Variants in ITGAE observed in about 807,000 individuals in gnomAD.
ITGAE encodes integrin subunit alpha E.
A neutral mutation model predicts 136.5 loss-of-function variants in ITGAE; 99 were observed. The ratio of observed to expected loss-of-function variants is 0.73; its 90% CI spans 0.62 to 0.86. The LOEUF (loss-of-function observed/expected upper bound fraction) is 0.86. Ranked by LOEUF, ITGAE falls within the 40% of genes least tolerant of loss-of-function variation. The pLI, the probability that ITGAE is intolerant of heterozygous loss-of-function variation, is 0.00. For synonymous variants in ITGAE, 613 were observed against 591.8 expected, an observed-to-expected ratio of 1.04 and a Z score of -0.52; for missense variants, 1,447 against 1,515.3, an observed-to-expected ratio of 0.95 and a Z score of 0.75.
intron 1 of ITGAE, among the ~76,000 whole-genome samples, chr17:3,786,983 A>G (rs2052814653): frequency 6.6e-6 from 1 of 151,776 alleles, no homozygotes; most frequent in Non-Finnish European, 1.5e-5. Context: ...TAATCAGTTT[A>G]CTCCTTACAA....
At position 3,775,761 on chromosome 17, in the gene ITGAE, C is replaced by T. The variant is rs1480228987; in HGVS notation, c.155+1779G>A. Reference sequence around the variant, plus strand: ...CTGGGATTACAGGTGTGAGCCACTGCGCCCGGCACACAAACATTTTTATAT... The same window carrying T: ...CTGGGATTACAGGTGTGAGCCACTGTGCCCGGCACACAAACATTTTTATAT... On this transcript the variant is annotated intron_variant, in intron 2 of 30. Transcript: ENST00000263087. Among the ~76,000 whole-genome samples, 5 of 152,030 alleles carry T rather than the reference C, an allele frequency of 3.3e-5. No homozygotes were observed. In the East Asian group the frequency reaches 9.6e-4, roughly 29 times the overall value.
chr17:3,728,063 T>A, intron 25 of ITGAE, 37 bp from the exon 26 acceptor site: 2 of 1,592,956 alleles, frequency 1.3e-6, no homozygotes, highest in Non-Finnish European at 1.7e-6. Flanking sequence ...TCAAAGCTGG[T>A]ATTGCTTTGC....
chr17:3,772,154 T>G (rs2052439723), intron 2 of ITGAE, among the ~76,000 whole-genome samples: 1 of 152,196 alleles, frequency 6.6e-6, no homozygotes, highest in African/African-American at 2.4e-5. Context: ...TTCCTTCTCA[T>G]GCTAATTCCC....
In ITGAE at chr17:3,759,447, T is replaced by G. The variant is rs936102601; in HGVS notation, c.821A>C (p.Gln274Pro). 3.1e-6 allele frequency: 5 copies of G among 1,614,078 alleles called. No individual in the cohort carries two copies. The highest frequency in any genetic ancestry group is 3.4e-6 in the Non-Finnish European group (4 of 1,180,038). The change falls in exon 8 of 31, where the codon CAA (glutamine) becomes CCA (proline). Residue 274 changes from glutamine (Q) to proline (P), a missense_variant. Around this residue, in one of 3 missense-constraint regions of ITGAE, gnomAD observed 310 missense variants for 416.1 expected, o/e 0.74. Coordinates refer to ENST00000263087, the MANE Select transcript of ITGAE (RefSeq NM_002208.5). The stretch of plus-strand genomic sequence containing the variant: ...GGCAGTCTTGGTGACACTCCCCACT[T>G]GAGTGATGTTCTGGACTCTGGCGAG... ...ASLARVQNITQVGSVTKTASA... is the reference protein window; with the variant it reads ...ASLARVQNITPVGSVTKTASA...
chr17:3,735,119 G>A (rs1047933714), intron 20 of ITGAE, among the ~76,000 whole-genome samples, 170 bp from the exon 21 acceptor site: 15 of 152,124 alleles, frequency 9.9e-5, no homozygotes, highest in African/African-American at 2.4e-4. Context: ...TCAGCCTCCC[G>A]AGTAGCTGGG....
chr17:3,770,881 G>T (rs1053038305), intron 2 of ITGAE, among the ~76,000 whole-genome samples: 1 of 152,126 alleles, frequency 6.6e-6, no homozygotes, highest in African/African-American at 2.4e-5. Flanking sequence ...GGTGGGACCT[G>T]GAGCTGAGGC....
At chr17:3,771,289 G>A (rs945360783) in intron 2 of ITGAE, among the ~76,000 whole-genome samples, 5 of 152,100 alleles carry the variant, frequency 3.3e-5, no homozygotes, top group Non-Finnish European at 7.3e-5. Context: ...AGAGGAGCCC[G>A]ACGTAGCGGG....
intron 19 of ITGAE, among the ~76,000 whole-genome samples, chr17:3,740,147 C>T (rs981591900): frequency 6.6e-6 from 1 of 152,192 alleles, no homozygotes; most frequent in African/African-American, 2.4e-5. Flanking sequence ...GTGACCTTCA[C>T]GGAATGTTAG....
At chr17:3,723,886 C>T in intron 26 of ITGAE, 142 bp from the exon 27 acceptor site, 1 of 1,524,110 alleles carries the variant, frequency 6.6e-7, no homozygotes, top group Non-Finnish European at 8.8e-7. Flanking sequence ...GTCCGCGTCG[C>T]ACGGAAGTCT....
At chr17:3,725,856 G>C in intron 26 of ITGAE, 1 of 1,602,532 alleles carries the variant, frequency 6.2e-7, no homozygotes. Flanking sequence ...AGTGGCAGAG[G>C]CATCACTGCG....
chr17:3,735,039 G>A (rs930809630), intron 20 of ITGAE, 90 bp from the exon 21 acceptor site: 79 of 1,415,030 alleles, frequency 5.6e-5, no homozygotes, highest in Non-Finnish European at 7.3e-5. Flanking sequence ...AGGCTAGAGC[G>A]TGGTGCTGTG....
At chr17:3,777,493 TG>T (rs2052571033) in intron 2 of ITGAE, 46 bp downstream of exon 2, 2 of 1,558,960 alleles carry the variant, frequency 1.3e-6, no homozygotes, top group African/African-American at 2.7e-5. Flanking sequence ...TCAGATTGCC[TG>T]GAAGCCCCTC....
intron 1 of ITGAE, among the ~76,000 whole-genome samples, chr17:3,794,126 C>T (rs1183438507): frequency 6.6e-6 from 1 of 151,878 alleles, no homozygotes; most frequent in East Asian, 1.9e-4. Context: ...TTACAGGCAC[C>T]TGCCACCACA....
At chr17:3,764,022 G>A in intron 2 of ITGAE, 62 bp from the exon 3 acceptor site, 1 of 1,196,458 alleles carries the variant, frequency 8.4e-7, no homozygotes, top group Non-Finnish European at 1.2e-6. Context: ...CTCCCTGCCT[G>A]CCCAGCACCC....
At chr17:3,754,421 G>C (rs575989733) in intron 12 of ITGAE, among the ~76,000 whole-genome samples, 1 of 152,100 alleles carries the variant, frequency 6.6e-6, no homozygotes, top group East Asian at 1.9e-4. Context: ...ACAGGCATCC[G>C]CCACCACGCC....
rs552226343 is a variant in ITGAE at position 3,745,821 on chromosome 17, C to T, written c.2262G>A (p.Glu754=). The change falls in exon 18 of 31, where the codon GAG becomes GAA. Residue 754 remains glutamate, a synonymous_variant. Transcript: ENST00000263087. ...CACAAAGCTGGGATCCGCTGCTCCA[C>T]TCCCTCAGGCAGCCCAGACAGCTTC... The part of the protein sequence containing the change: ...DVRSCLGCLR[E]WSSGSQLCED... The T allele has an allele frequency of 1.9e-5, 31 of 1,614,098 alleles. No homozygotes were observed. The South Asian group carries it at 2.5e-4, about 13-fold the overall frequency.
At chr17:3,754,180 C>T (rs948965226) in intron 12 of ITGAE, among the ~76,000 whole-genome samples, 3 of 152,192 alleles carry the variant, frequency 2.0e-5, no homozygotes, top group South Asian at 2.1e-4. Flanking sequence ...AATACTCGTT[C>T]GCACACATTC....
intron 5 of ITGAE, 33 bp downstream of exon 5, chr17:3,761,370 G>T: frequency 6.3e-7 from 1 of 1,588,098 alleles, no homozygotes; most frequent in Non-Finnish European, 8.6e-7. Flanking sequence ...TCTCTTTAGA[G>T]CTATCCAAGG....
At chr17:3,723,159 G>A in intron 28 of ITGAE, 129 bp downstream of exon 28, 2 of 673,844 alleles carry the variant, frequency 3.0e-6, no homozygotes, top group South Asian at 1.6e-5. Flanking sequence ...GGGACAGAGG[G>A]TTGGTTTTTT....
Sources: allele counts gnomAD v4.1 joint callset (sites outside exome capture counted in the v4.1 genomes callset), GRCh38; gene constraint gnomAD v4.1.1; regional missense constraint gnomAD v4.1.1; transcripts MANE v1.5; gene names NCBI Gene and HGNC (gene_info 2026-07-23, HGNC 2026-07-21).